CARMIL1: variants seen among roughly 807,000 people sequenced by gnomAD.
CARMIL1 encodes the protein F-actin-uncapping protein LRRC16A.
A neutral mutation model predicts 177.1 loss-of-function variants in CARMIL1; 90 were observed. The observed-to-expected ratio is 0.51, with a 90% confidence interval of 0.43 to 0.61. CARMIL1 has a LOEUF of 0.61. Among genes scored for constraint, CARMIL1 ranks in the 20% least tolerant of loss-of-function variants. The pLI is 0.00. For synonymous variants in CARMIL1, 577 were observed against 606.2 expected, an observed-to-expected ratio of 0.95 and a Z score of 0.71; for missense variants, 1,380 against 1,667.0, an observed-to-expected ratio of 0.83 and a Z score of 3.00.
chr6:25,279,505 G>C lies in CARMIL1; in HGVS notation c.-291G>C, dbSNP rs1780895843. The C allele has an allele frequency of 1.0e-5, 5 of 493,186 alleles. No individual in the cohort carries two copies. The highest frequency in any genetic ancestry group is 1.1e-3 in the Middle Eastern group (2 of 1,834). The allele number at this position is 493,186 out of a possible 1,614,324, so 30.6% of individuals were successfully genotyped here. ...GAGGAGCAGGCGCCACAGCCGCCCC[G>C]CGCCCCGCGCCCGCTTGTAATCCGG... On this transcript the variant is annotated 5_prime_UTR_variant, in exon 1 of 37. Transcript: ENST00000329474.
chr6:25,611,443 G>T (rs1816497210), intron 36 of CARMIL1, among the ~76,000 whole-genome samples: 1 of 152,188 alleles, frequency 6.6e-6, no homozygotes, highest in Non-Finnish European at 1.5e-5. Context: ...AGAGACTTGA[G>T]CCTGCAGGTA....
In CARMIL1 at chr6:25,495,203, C is replaced by T; in HGVS notation, c.1313C>T (p.Pro438Leu). ...HINLSGTKLS[P>L]EPLKALLLGL... ...AACCTTTCAGGCACAAAACTGTCTC[C>T]TGAGCCCTTAAAGTGAGTGGTTAAT... The change falls in exon 16 of 37, where the codon CCT (proline) becomes CTT (leucine). Residue 438 changes from proline to leucine, a missense_variant. By Grantham distance (98) the Pro-to-Leu change is moderately conservative. Coordinates refer to ENST00000329474, the MANE Select transcript of CARMIL1 (RefSeq NM_017640.6). The T allele has an allele frequency of 6.2e-7, 1 of 1,609,514 alleles. No homozygotes were observed.
At chr6:25,364,243 C>G (rs994988502) in intron 2 of CARMIL1, among the ~76,000 whole-genome samples, 5 of 152,112 alleles carry the variant, frequency 3.3e-5, no homozygotes, top group Admixed American at 3.3e-4. Context: ...CATGCCCTGC[C>G]ATTTTTTAGA....
In CARMIL1 at chr6:25,463,122, A is replaced by T. The variant is rs568371687; in HGVS notation, c.615-2751A>T. Among the ~76,000 whole-genome samples the T allele has an allele frequency of 2.0e-5, 3 of 152,330 alleles. No individual in the cohort carries two copies. In the South Asian group the frequency reaches 6.2e-4, roughly 32 times the overall value. Reference sequence around the variant, plus strand: ...TGGAAGATTTAATCTTGTAAAACAGATTATGAATATGAATCATAGAACAAT... The same window carrying T: ...TGGAAGATTTAATCTTGTAAAACAGTTTATGAATATGAATCATAGAACAAT... On this transcript the variant is annotated intron_variant, in intron 8 of 36. Transcript: ENST00000329474.
intron 5 of CARMIL1, among the ~76,000 whole-genome samples, chr6:25,447,490 A>G (rs1309617003): frequency 6.6e-6 from 1 of 152,198 alleles, no homozygotes; most frequent in Non-Finnish European, 1.5e-5. Flanking sequence ...AGAGCATTGT[A>G]TGTAGCAGAG....
intron 29 of CARMIL1, among the ~76,000 whole-genome samples, chr6:25,575,849 G>A (rs981059899): frequency 3.3e-5 from 5 of 152,150 alleles, no homozygotes; most frequent in Non-Finnish European, 5.9e-5. Flanking sequence ...CTTATGTGCT[G>A]CCTTTACTTT....
At chr6:25,609,336 C>T (rs1421783106) in intron 35 of CARMIL1, among the ~76,000 whole-genome samples, 3 of 151,964 alleles carry the variant, frequency 2.0e-5, no homozygotes, top group Non-Finnish European at 2.9e-5. Flanking sequence ...CATGGTGGCA[C>T]GTGCCTGTAA....
chr6:25,584,545 T>A lies in CARMIL1; in HGVS notation c.3006+3106T>A, dbSNP rs1443353096. Among the ~76,000 whole-genome samples, 3 of 151,762 alleles carry A rather than the reference T, an allele frequency of 2.0e-5. No individual in the cohort carries two copies. The East Asian group carries it at 5.8e-4, about 29-fold the overall frequency. On this transcript the variant is annotated intron_variant, in intron 31 of 36. Transcript: ENST00000329474. Reference sequence around the variant, plus strand: ...TATTTAATGTAAGTTTTATGTGACATGGGAACCTTCAGAAATGCAGACTCA... The same window carrying A: ...TATTTAATGTAAGTTTTATGTGACAAGGGAACCTTCAGAAATGCAGACTCA...
chr6:25,581,347 T>C lies in CARMIL1; in HGVS notation c.2914T>C (p.Ser972Pro). 1 of 1,613,776 alleles carries C rather than the reference T, an allele frequency of 6.2e-7. No individual in the cohort carries two copies. The highest frequency in any genetic ancestry group is 8.5e-7 in the Non-Finnish European group (1 of 1,179,832). The change falls in exon 31 of 37, where the codon TCT becomes CCT. Residue 972 changes from serine (S) to proline (P), a missense_variant. Ser to Pro is a moderately conservative substitution (Grantham distance 74, BLOSUM62 -1). Transcript: ENST00000329474. ...GGAGAAGCGGAGCTCGGGATTTATC[T>C]CTGAGTTGCCCTCTGAAGAGGGGAA... ...RQEKRSSGFISELPSEEGKKL... is the reference protein window; with the variant it reads ...RQEKRSSGFIPELPSEEGKKL...
intron 24 of CARMIL1, among the ~76,000 whole-genome samples, chr6:25,529,741 C>T (rs1393496670): frequency 1.8e-4 from 5 of 27,280 alleles, no homozygotes; most frequent in Non-Finnish European, 3.4e-4. Context: ...GGCGACAGAG[C>T]GAGACTCCGT....
intron 4 of CARMIL1, 124 bp from the exon 5 acceptor site, chr6:25,435,359 G>GA (rs958428319): frequency 1.6e-3 from 1,823 of 1,128,248 alleles, no homozygotes; most frequent in South Asian, 2.1e-3. Flanking sequence ...CCTTGTTAAA[G>GA]AAAAAAAAAG....
intron 4 of CARMIL1, among the ~76,000 whole-genome samples, chr6:25,430,582 A>C: frequency 6.6e-6 from 1 of 151,868 alleles, no homozygotes; most frequent in Non-Finnish European, 1.5e-5. Flanking sequence ...GGCATGCACC[A>C]CCATGCCTGG....
chr6:25,471,450 A>T (rs1338980661), intron 10 of CARMIL1, among the ~76,000 whole-genome samples, 193 bp downstream of exon 10: 8 of 152,116 alleles, frequency 5.3e-5, no homozygotes, highest in Non-Finnish European at 1.0e-4. Flanking sequence ...ATCTCTTGAT[A>T]ACGGTGTCAC....
chr6:25,549,751 T>C (rs1347445117), intron 26 of CARMIL1, among the ~76,000 whole-genome samples: 1 of 152,212 alleles, frequency 6.6e-6, no homozygotes, highest in Non-Finnish European at 1.5e-5. Context: ...AGTGCTTCAT[T>C]GGTCCTAATT....
At chr6:25,281,851 A>G (rs1320265727) in intron 1 of CARMIL1, among the ~76,000 whole-genome samples, 1 of 152,116 alleles carries the variant, frequency 6.6e-6, no homozygotes, top group Non-Finnish European at 1.5e-5. Flanking sequence ...GTGGTGGCTC[A>G]CCCCTGTAAT....
At chr6:25,612,832 A>G in intron 36 of CARMIL1, 8 of 985,386 alleles carry the variant, frequency 8.1e-6, no homozygotes, top group Non-Finnish European at 9.6e-6. Context: ...GTACTCCACC[A>G]TTGCAGAAGA....
intron 2 of CARMIL1, among the ~76,000 whole-genome samples, chr6:25,409,176 C>G (rs1475154727): frequency 6.6e-6 from 1 of 152,156 alleles, no homozygotes; most frequent in African/African-American, 2.4e-5. Context: ...CTCCCCCTTG[C>G]TCTGACTCAA....
At chr6:25,510,816 C>A in intron 20 of CARMIL1, 54 bp downstream of exon 20, 1 of 1,016,246 alleles carries the variant, frequency 9.8e-7, no homozygotes, top group Non-Finnish European at 1.5e-6. Flanking sequence ...GCCATTCTTA[C>A]TGATTATTTC....
chr6:25,490,559 G>T (rs1031397755), intron 13 of CARMIL1, among the ~76,000 whole-genome samples: 3 of 152,026 alleles, frequency 2.0e-5, no homozygotes, highest in Non-Finnish European at 4.4e-5. Flanking sequence ...TTAGCTGGGC[G>T]TGGTGTCACA....
Sources: allele counts gnomAD v4.1 joint callset (sites outside exome capture counted in the v4.1 genomes callset), GRCh38; gene constraint gnomAD v4.1.1; transcripts MANE v1.5; gene names NCBI Gene and HGNC (gene_info 2026-07-23, HGNC 2026-07-21).